The following UGT3A1 variants were observed in gnomAD, a reference collection of about 807,000 sequenced individuals.
UGT3A1 encodes the protein UDP-glycosyltransferase 3A1.
Under a neutral mutation model 37.6 loss-of-function variants are expected in UGT3A1, and 40 were observed. The ratio of observed to expected loss-of-function variants is 1.06; its 90% CI spans 0.83 to 1.38. The LOEUF is 1.38. UGT3A1 is among the 40% of genes most tolerant of loss of function. The pLI, the probability that UGT3A1 is intolerant of heterozygous loss-of-function variation, is 0.00. For synonymous variants in UGT3A1, 256 were observed against 232.3 expected, an observed-to-expected ratio of 1.10 and a Z score of -0.93; for missense variants, 642 against 634.2, an observed-to-expected ratio of 1.01 and a Z score of -0.13.
In UGT3A1 at chr5:35,991,331, C is replaced by T. The variant is rs1193077413; in HGVS notation, c.-91G>A. On this transcript the variant is annotated 5_prime_UTR_variant, in exon 1 of 7. Coordinates refer to ENST00000274278, the MANE Select transcript of UGT3A1 (RefSeq NM_152404.4). ...TGTGCGCGCCTCAGTACTCCAAAGG[C>T]ACTGGCTGTGGGCCTAGGAAGAGGT... 6.3e-7 allele frequency: 1 copy of T among 1,576,424 alleles called. No homozygotes were observed. Among genetic ancestry groups the T allele is most frequent in the Admixed American group, 1.8e-5 (1 of 55,160 alleles).
chr5:35,990,034 G>A (rs1740875913), intron 1 of UGT3A1, among the ~76,000 whole-genome samples: 1 of 151,694 alleles, frequency 6.6e-6, no homozygotes, highest in Non-Finnish European at 1.5e-5. Context: ...GGAGCTTGCA[G>A]TGAGTTGAGA....
chr5:35,990,977 G>A, intron 1 of UGT3A1, 170 bp downstream of exon 1: 1 of 1,537,886 alleles, frequency 6.5e-7, no homozygotes, highest in South Asian at 1.3e-5. Context: ...CAGCAATAGA[G>A]GCCCCTCTCT....
At chr5:35,975,185 AGTGGCCATG>A (rs1186088965) in intron 2 of UGT3A1, among the ~76,000 whole-genome samples, 2 of 152,208 alleles carry the variant, frequency 1.3e-5, no homozygotes, top group East Asian at 3.8e-4. Context: ...TCATAAACAC[AGTGGCCATG>A]GTAGCAGGGA....
At chr5:35,994,087 G>T (rs1217859598), upstream of UGT3A1, among the ~76,000 whole-genome samples, 1 of 152,076 alleles carries the variant, frequency 6.6e-6, no homozygotes, top group Non-Finnish European at 1.5e-5. Flanking sequence ...ATCAAGGAAG[G>T]TGAGCCTGTC....
chr5:35,982,611 C>T (rs574751562), intron 2 of UGT3A1, among the ~76,000 whole-genome samples: 3 of 152,314 alleles, frequency 2.0e-5, no homozygotes, highest in African/African-American at 7.2e-5. Flanking sequence ...TTAAAAGGCT[C>T]ATAGGCAGAA....
chr5:35,991,404 C>T, upstream of UGT3A1: 1 of 1,457,536 alleles, frequency 6.9e-7, no homozygotes. Flanking sequence ...CGTTCTCTTT[C>T]CCGCTGCCCC....
intron 2 of UGT3A1, among the ~76,000 whole-genome samples, chr5:35,974,776 A>G (rs1740194339): frequency 6.6e-6 from 1 of 152,194 alleles, no homozygotes; most frequent in Admixed American, 6.5e-5. Flanking sequence ...CTTTTATCTA[A>G]CAAGGTCAGC....
At chr5:35,963,899 A>G (rs1166621053) in intron 4 of UGT3A1, among the ~76,000 whole-genome samples, 1 of 152,230 alleles carries the variant, frequency 6.6e-6, no homozygotes, top group Non-Finnish European at 1.5e-5. Flanking sequence ...CCTCTAACAA[A>G]AAATGGAAAC....
intron 1 of UGT3A1, 110 bp downstream of exon 1, chr5:35,991,037 C>T: frequency 1.2e-6 from 2 of 1,607,958 alleles, no homozygotes; most frequent in South Asian, 2.2e-5. Flanking sequence ...TCCGCAAGCC[C>T]AGCCTGGAAA....
At chr5:35,979,706 C>T (rs1178499673) in intron 2 of UGT3A1, among the ~76,000 whole-genome samples, 2 of 152,214 alleles carry the variant, frequency 1.3e-5, no homozygotes, top group African/African-American at 4.8e-5. Context: ...GGTATCTTTA[C>T]AGCAGCACCC....
chr5:35,984,661 C>A (rs1740660009), intron 2 of UGT3A1, among the ~76,000 whole-genome samples: 1 of 151,928 alleles, frequency 6.6e-6, no homozygotes, highest in Non-Finnish European at 1.5e-5. Flanking sequence ...TTGGTAGAGA[C>A]AGGGTTTCGC....
chr5:35,954,764 C>CA (rs1217109968), intron 6 of UGT3A1: 15 of 432,548 alleles, frequency 3.5e-5, no homozygotes, highest in Non-Finnish European at 6.2e-5. Flanking sequence ...CCCTAGGATG[C>CA]TTATGGTATA....
Position 35,971,274 on chromosome 5 carries a change from C to T in UGT3A1, c.197-3141G>A, listed in dbSNP as rs373042141. ...AAGACATATTATATATACAAAGGAA[C>T]GCACAAAAAGGGATGTGCCATTGCC... On this transcript the variant is annotated intron_variant, in intron 2 of 6. Transcript: ENST00000274278. Among the ~76,000 whole-genome samples, 572 of 152,182 alleles carry T rather than the reference C, an allele frequency of 3.8e-3. 34 individuals are homozygous for T. In the South Asian group the frequency reaches 0.099, roughly 26 times the overall value.
At chr5:35,975,984 GGTTCAGGTATC>G (rs1455166494) in intron 2 of UGT3A1, among the ~76,000 whole-genome samples, 2 of 151,984 alleles carry the variant, frequency 1.3e-5, no homozygotes, top group Non-Finnish European at 2.9e-5. Context: ...AGGATTCATG[GGTTCAGGTATC>G]AAGGGGTAGA....
Position 35,953,041 on chromosome 5 carries a change from C to G in UGT3A1, c.*1161G>C, listed in dbSNP as rs1202101626. The G allele has an allele frequency of 6.6e-6, 1 of 152,324 alleles. No individual in the cohort carries two copies. The highest frequency in any genetic ancestry group is 1.5e-5 in the Non-Finnish European group (1 of 68,034). 9.4% of individuals were successfully genotyped at this position (152,324 alleles called of 1,614,324 possible). Reference sequence around the variant, plus strand: ...TAAAACTATGGTTCATCCAGGGCCTCTCCATATGCCTGTTTTCTACTCTGT... The same window carrying G: ...TAAAACTATGGTTCATCCAGGGCCTGTCCATATGCCTGTTTTCTACTCTGT... On this transcript the variant is annotated 3_prime_UTR_variant, in exon 7 of 7. Coordinates refer to ENST00000274278, the MANE Select transcript of UGT3A1 (RefSeq NM_152404.4).
At chr5:35,990,898 G>C (rs1390746519) in intron 1 of UGT3A1, 2 of 1,331,802 alleles carry the variant, frequency 1.5e-6, no homozygotes, top group Non-Finnish European at 1.9e-6. Context: ...TGCGGGACGG[G>C]GAGCGCGTCC....
upstream of UGT3A1, among the ~76,000 whole-genome samples, chr5:35,994,326 GTTTTGTT>G (rs1741039910): frequency 9.7e-6 from 1 of 103,424 alleles, no homozygotes; most frequent in Non-Finnish European, 2.1e-5. Context: ...GTTTTGTTTT[GTTTTGTT>G]TGTGTGTGTG....
chr5:35,989,859 C>T (rs550312957), intron 1 of UGT3A1, among the ~76,000 whole-genome samples: 4 of 152,156 alleles, frequency 2.6e-5, no homozygotes, highest in African/African-American at 9.6e-5. Flanking sequence ...TTGAGGCGGG[C>T]GGATCACGAG....
Position 35,954,471 on chromosome 5 carries a change from A to T in UGT3A1, c.1303T>A (p.Ser435Thr). ...ATGACACTGGCTGCCACCACTGCCG[A>T]CTTGTACCTGTTGGCGGAGACAGAG... ...KQVIEDKRYKSAVVAASVILH... is the reference protein window; with the variant it reads ...KQVIEDKRYKTAVVAASVILH... Residue 435 changes from serine (S) to threonine (T), a missense_variant, in exon 7 of 7, where the codon TCG becomes ACG. Transcript: ENST00000274278. 11 of 1,613,702 alleles carry T rather than the reference A, an allele frequency of 6.8e-6. No individual in the cohort carries two copies. Among genetic ancestry groups the T allele is most frequent in the Non-Finnish European group, 9.3e-6 (11 of 1,179,648 alleles).
Sources: gnomAD v4.1 joint callset for allele counts (sites outside exome capture counted in the v4.1 genomes callset) on GRCh38, gnomAD v4.1.1 for gene constraint, MANE v1.5 for transcripts, NCBI Gene and HGNC (gene_info 2026-07-23, HGNC 2026-07-21) for gene names.